The following SGK1 variants were observed in gnomAD, a reference collection of about 807,000 sequenced individuals.
The protein encoded by SGK1 is serum/glucocorticoid regulated kinase 1, also known as serine/threonine-protein kinase Sgk1.
A neutral mutation model predicts 64.2 loss-of-function variants in SGK1; 26 were observed. The observed-to-expected ratio is 0.40, with a 90% CI of 0.30 to 0.56. The LOEUF (loss-of-function observed/expected upper bound fraction) is 0.56. Among genes scored for constraint, SGK1 ranks in the 20% least tolerant of loss-of-function variants. The pLI is 0.38. For missense variants in SGK1, 519 were observed against 645.6 expected (o/e 0.80, Z 2.12); for synonymous variants, 265 against 239.7 (o/e 1.11, Z -0.98).
chr6:134,211,856 G>A (rs528136956), intron 2 of SGK1, among the ~76,000 whole-genome samples: 55 of 132,262 alleles, frequency 4.2e-4, no homozygotes, highest in Non-Finnish European at 8.0e-4. Context: ...CCTGGCGAGA[G>A]AGCGAGATTC....
intron 2 of SGK1, among the ~76,000 whole-genome samples, chr6:134,235,541 T>TTTA (rs139727119): frequency 0.46 from 41,806 of 91,652 alleles, 6,519 homozygotes; most frequent in South Asian, 0.6. Context: ...AAATAGATAT[T>TTTA]TTTATTTATT....
intron 1 of SGK1, among the ~76,000 whole-genome samples, chr6:134,279,276 A>C (rs1205597219): frequency 6.6e-6 from 1 of 152,088 alleles, no homozygotes; most frequent in African/African-American, 2.4e-5. Context: ...TATTAAAAAT[A>C]CAAAAATTAG....
chr6:134,175,907 A>C, intron 3 of SGK1: 3 of 1,068,450 alleles, frequency 2.8e-6, no homozygotes, highest in East Asian at 5.9e-5. Flanking sequence ...AAAGAGGGAA[A>C]AGGGGGAGGG....
chr6:134,225,351 GGAA>G (rs1776158328), intron 2 of SGK1, among the ~76,000 whole-genome samples: 2 of 97,866 alleles, frequency 2.0e-5, no homozygotes, highest in African/African-American at 3.5e-5. Context: ...ACTCCATCTC[GGAA>G]AAAAAAAAAA....
rs79009962 is a variant in SGK1, at chr6:134,232,413, G to GAA, written c.286-24983_286-24982insTT. 2.5e-4 allele frequency among the ~76,000 whole-genome samples: 12 copies of GAA among 47,772 alleles called. 1 individual carries two copies. The highest frequency in any genetic ancestry group is 9.5e-4 in the African/African-American group (12 of 12,624). The allele number at this position is 47,772 out of a possible 152,430, so 31.3% of individuals were successfully genotyped here. A position where few individuals can be genotyped will look rare whatever the true frequency, so the allele number is the denominator to read the frequency against. On this transcript the variant is annotated intron_variant, in intron 2 of 13. Transcript: ENST00000367858. ...AAAAGAAAGAAGAAAAAGAAAGAAA[G>GAA]AGAAAGAAAGAAAGAAAGAAAGAAA... is the stretch of plus-strand genomic sequence containing the variant.
intron 8 of SGK1, 101 bp from the exon 9 acceptor site, chr6:134,172,875 C>CT: frequency 2.5e-6 from 3 of 1,211,500 alleles, no homozygotes; most frequent in Non-Finnish European, 3.7e-6. Context: ...CCCAAGTAAT[C>CT]TATTAACTAT....
intron 2 of SGK1, among the ~76,000 whole-genome samples, chr6:134,257,493 A>G (rs1480800253): frequency 6.6e-6 from 1 of 152,224 alleles, no homozygotes; most frequent in Non-Finnish European, 1.5e-5. Flanking sequence ...TTTATTTAAA[A>G]CATTCTTACC....
chr6:134,269,181 C>T (rs560191040), intron 1 of SGK1, among the ~76,000 whole-genome samples: 11 of 147,630 alleles, frequency 7.5e-5, no homozygotes, highest in African/African-American at 2.4e-4. Context: ...GTGGCAACAC[C>T]TACTCTCATT....
chr6:134,298,639 A>G (rs1777398985), intron 1 of SGK1: 1 of 1,330,708 alleles, frequency 7.5e-7, no homozygotes, highest in Admixed American at 1.9e-5. Context: ...CGGCTGCTGA[A>G]GGCCCGGGGG....
intron 2 of SGK1, among the ~76,000 whole-genome samples, chr6:134,213,646 T>TAAATAAATAAA (rs1775930169): frequency 4.9e-5 from 7 of 143,646 alleles, no homozygotes; most frequent in Non-Finnish European, 9.3e-5. Context: ...AAATAAATAA[T>TAAATAAATAAA]AAATAAATAA....
intron 2 of SGK1, among the ~76,000 whole-genome samples, chr6:134,256,826 T>C (rs1314819947): frequency 1.3e-5 from 2 of 152,226 alleles, no homozygotes; most frequent in Non-Finnish European, 2.9e-5. Flanking sequence ...GCTGTTCTTC[T>C]GGGTGATTCA....
intron 2 of SGK1, among the ~76,000 whole-genome samples, chr6:134,217,522 T>A (rs1776005467): frequency 6.6e-6 from 1 of 152,160 alleles, no homozygotes; most frequent in African/African-American, 2.4e-5. Context: ...CCTTTGTCCC[T>A]GGGCTACAGT....
intron 3 of SGK1, among the ~76,000 whole-genome samples, chr6:134,204,594 C>A: frequency 6.8e-6 from 1 of 146,890 alleles, no homozygotes; most frequent in Admixed American, 6.8e-5. Context: ...ACTCTTTTTG[C>A]CCAGGCTGGA....
intron 2 of SGK1, chr6:134,260,599 G>A (rs914903461): frequency 1.1e-4 from 17 of 151,428 alleles, no homozygotes; most frequent in African/African-American, 4.1e-4. Context: ...TTGAACTCAG[G>A]AAGCGGAGGT....
chr6:134,236,104 T>G (rs912440688), intron 2 of SGK1, among the ~76,000 whole-genome samples: 7 of 152,144 alleles, frequency 4.6e-5, no homozygotes, highest in Non-Finnish European at 8.8e-5. Context: ...TGTATATATT[T>G]TAATGTACAG....
At chr6:134,315,408 G>C (rs1777667188) in intron 1 of SGK1, among the ~76,000 whole-genome samples, 1 of 152,170 alleles carries the variant, frequency 6.6e-6, no homozygotes, top group South Asian at 2.1e-4. Context: ...ACTTCTTTCT[G>C]CATGTACTCA....
intron 2 of SGK1, among the ~76,000 whole-genome samples, chr6:134,208,612 T>C (rs112145850): frequency 1.7e-4 from 26 of 152,256 alleles, no homozygotes; most frequent in African/African-American, 6.3e-4. Flanking sequence ...CTCCCACTTA[T>C]GAGTGAGAAC....
intron 2 of SGK1, among the ~76,000 whole-genome samples, chr6:134,247,642 T>A (rs192669181): frequency 1.3e-3 from 202 of 152,326 alleles, no homozygotes; most frequent in African/African-American, 4.7e-3. Context: ...GATATGAATG[T>A]AACTCGACCG....
chr6:134,190,442 G>A (rs527986202), intron 3 of SGK1, among the ~76,000 whole-genome samples: 1 of 151,988 alleles, frequency 6.6e-6, no homozygotes, highest in East Asian at 1.9e-4. Context: ...CACACCACCA[G>A]GCATGGCTAA....
Sources: allele counts gnomAD v4.1 joint callset (sites outside exome capture counted in the v4.1 genomes callset), GRCh38; gene constraint gnomAD v4.1.1; transcripts MANE v1.5; gene names NCBI Gene and HGNC (gene_info 2026-07-23, HGNC 2026-07-21).